Variants in HS3ST4 observed in about 807,000 individuals in gnomAD.
HS3ST4 encodes the protein heparan sulfate-glucosamine 3-sulfotransferase 4, also known as heparan sulfate glucosamine 3-O-sulfotransferase 4.
HS3ST4 carries 17 observed loss-of-function variants against 29.2 expected under a neutral mutation model. That is an observed-to-expected ratio of 0.58 (90% CI 0.40 to 0.87). The LOEUF is 0.87. Ranked by LOEUF, HS3ST4 falls within the 40% of genes least tolerant of loss-of-function variation. The pLI is 0.00. For missense variants in HS3ST4, 627 were observed against 634.5 expected, an observed-to-expected ratio of 0.99 and a Z score of 0.13; for synonymous variants, 314 against 285.7, an observed-to-expected ratio of 1.10 and a Z score of -1.00.
chr16:25,767,793 G>A (rs1184386540), intron 1 of HS3ST4, among the ~76,000 whole-genome samples: 2 of 152,174 alleles, frequency 1.3e-5, no homozygotes, highest in Non-Finnish European at 2.9e-5. Flanking sequence ...ACTCAAAAAG[G>A]CAAAGTCCCA....
chr16:25,915,248 G>A (rs530442747), intron 1 of HS3ST4, among the ~76,000 whole-genome samples: 35 of 152,238 alleles, frequency 2.3e-4, no homozygotes, highest in Admixed American at 3.3e-4. Context: ...GACTCCGGGC[G>A]TGGGTTCCAC....
intron 1 of HS3ST4, among the ~76,000 whole-genome samples, chr16:25,863,165 T>C (rs1399714529): frequency 6.6e-6 from 1 of 152,134 alleles, no homozygotes; most frequent in African/African-American, 2.4e-5. Context: ...TGAAGTTTTT[T>C]TTCTGCCTCC....
At chr16:25,863,123 T>C (rs9935516) in intron 1 of HS3ST4, among the ~76,000 whole-genome samples, 27,492 of 152,180 alleles carry the variant, frequency 0.18, 2,747 homozygotes, top group African/African-American at 0.27. Context: ...CTAATTGATT[T>C]GCATATCTTG....
intron 1 of HS3ST4, among the ~76,000 whole-genome samples, chr16:26,087,859 T>C (rs1185364498): frequency 6.6e-6 from 1 of 152,136 alleles, no homozygotes; most frequent in Non-Finnish European, 1.5e-5. Flanking sequence ...ATGCTCAATC[T>C]TTAGCTTTGT....
chr16:25,697,403 CTGTAAG>C (rs1291712680), intron 1 of HS3ST4, among the ~76,000 whole-genome samples: 1 of 152,148 alleles, frequency 6.6e-6, no homozygotes, highest in African/African-American at 2.4e-5. Flanking sequence ...TTGAAATGTG[CTGTAAG>C]TGTAAGATAC....
At chr16:26,097,181 G>A (rs1898935137) in intron 1 of HS3ST4, among the ~76,000 whole-genome samples, 1 of 152,246 alleles carries the variant, frequency 6.6e-6, no homozygotes, top group East Asian at 1.9e-4. Context: ...TAGATTCAGT[G>A]CCATCCCCAT....
In HS3ST4 at chr16:25,897,861, C is replaced by T. The variant is rs185475709; in HGVS notation, c.734+204710C>T. Among the ~76,000 whole-genome samples, 234 of 152,242 alleles carry T rather than the reference C, an allele frequency of 1.5e-3. 2 individuals carry two copies. Among genetic ancestry groups the T allele is most frequent in the Admixed American group, 1.9e-3 (29 of 15,292 alleles). ...GTTCAGGTGCTTTGCTTTCCCCCCGCCCCCTTTCTCATTTTAGCAGATGAG... is the reference window on the plus strand; with the variant it reads ...GTTCAGGTGCTTTGCTTTCCCCCCGTCCCCTTTCTCATTTTAGCAGATGAG... On this transcript the variant is annotated intron_variant, in intron 1 of 1. Transcript: ENST00000331351.
chr16:25,962,151 G>C (rs1283759056), intron 1 of HS3ST4, among the ~76,000 whole-genome samples: 2 of 152,140 alleles, frequency 1.3e-5, no homozygotes, highest in African/African-American at 4.8e-5. Context: ...GGCAGCTCTT[G>C]TATACACCCA....
chr16:25,867,387 T>C (rs916828526), intron 1 of HS3ST4, among the ~76,000 whole-genome samples: 5 of 151,992 alleles, frequency 3.3e-5, no homozygotes, highest in Admixed American at 2.6e-4. Flanking sequence ...AGGGGAGAAA[T>C]TAGGTCAACT....
At chr16:25,991,416 G>A (rs936971248) in intron 1 of HS3ST4, among the ~76,000 whole-genome samples, 9 of 152,092 alleles carry the variant, frequency 5.9e-5, no homozygotes, top group Admixed American at 6.6e-5. Flanking sequence ...GTTCCTCATC[G>A]TGATTGTGAG....
At chr16:25,944,951 A>G (rs1276277910) in intron 1 of HS3ST4, among the ~76,000 whole-genome samples, 1 of 152,122 alleles carries the variant, frequency 6.6e-6, no homozygotes, top group East Asian at 1.9e-4. Flanking sequence ...TATTTGAACA[A>G]CTCGACTTTA....
intron 1 of HS3ST4, among the ~76,000 whole-genome samples, chr16:26,122,207 A>G (rs1444929232): frequency 6.6e-6 from 1 of 152,004 alleles, no homozygotes; most frequent in Non-Finnish European, 1.5e-5. Flanking sequence ...TCACATATCA[A>G]CACACATGCA....
intron 1 of HS3ST4, among the ~76,000 whole-genome samples, chr16:26,009,525 G>T (rs1014063868): frequency 2.0e-5 from 3 of 152,214 alleles, no homozygotes; most frequent in African/African-American, 7.2e-5. Flanking sequence ...ACTTAACACA[G>T]TAAAGAGGCA....
intron 1 of HS3ST4, among the ~76,000 whole-genome samples, chr16:25,891,178 G>A (rs4131891): frequency 0.61 from 93,370 of 152,002 alleles, 28,863 homozygotes; most frequent in South Asian, 0.73. Flanking sequence ...GCCTGTCACC[G>A]GGTATTAGGA....
intron 1 of HS3ST4, among the ~76,000 whole-genome samples, chr16:26,115,245 G>GTA (rs1555484845): frequency 3.2e-4 from 47 of 149,144 alleles, no homozygotes; most frequent in Middle Eastern, 3.5e-3. Flanking sequence ...GTATGTGTGT[G>GTA]TATATATATA....
intron 1 of HS3ST4, among the ~76,000 whole-genome samples, chr16:25,840,238 C>T (rs4787768): frequency 0.34 from 51,847 of 152,030 alleles, 9,531 homozygotes; most frequent in Admixed American, 0.4. Context: ...ATAAATGTCC[C>T]AAAAATTATT....
In HS3ST4 at chr16:25,868,087, C is replaced by T. The variant is rs148653746; in HGVS notation, c.734+174936C>T. Among the ~76,000 whole-genome samples, 370 of 152,196 alleles carry T rather than the reference C, an allele frequency of 2.4e-3. 2 individuals carry two copies. The highest frequency in any genetic ancestry group is 3.7e-3 in the Non-Finnish European group (250 of 68,016). On this transcript the variant is annotated intron_variant, in intron 1 of 1. Transcript: ENST00000331351. The stretch of plus-strand genomic sequence containing the variant: ...AGGCCCTAGGATAATGCACGTCAGA[C>T]GCACATGTGTTTGCTCAATCTGAAT...
chr16:25,745,282 A>C (rs1337291009), intron 1 of HS3ST4, among the ~76,000 whole-genome samples: 2 of 152,130 alleles, frequency 1.3e-5, no homozygotes, highest in African/African-American at 4.8e-5. Flanking sequence ...AATATTTTGA[A>C]CAAGATCAAG....
chr16:25,967,001 A>G (rs1005507918), intron 1 of HS3ST4, among the ~76,000 whole-genome samples: 4 of 152,022 alleles, frequency 2.6e-5, no homozygotes, highest in African/African-American at 9.7e-5. Context: ...TAGAAACACA[A>G]TTTCTTGGGC....
Sources: gnomAD v4.1 joint callset for allele counts (sites outside exome capture counted in the v4.1 genomes callset) on GRCh38, gnomAD v4.1.1 for gene constraint, MANE v1.5 for transcripts, NCBI Gene and HGNC (gene_info 2026-07-23, HGNC 2026-07-21) for gene names.